The following UGGT2 variants were observed in gnomAD, a reference collection of about 807,000 sequenced individuals.
UGGT2 encodes UDP-glucose glycoprotein glucosyltransferase 2, also known as UDP-glucose:glycoprotein glucosyltransferase 2.
UGGT2 carries 180 observed loss-of-function variants against 192.1 expected under a neutral mutation model. The observed-to-expected ratio is 0.94, with a 90% CI of 0.83 to 1.06. The LOEUF is 1.06. Among genes scored for constraint, UGGT2 ranks in the 50% least tolerant of loss-of-function variants. The pLI, the probability that UGGT2 is intolerant of heterozygous loss-of-function variation, is 0.00. For synonymous variants in UGGT2, 580 were observed against 591.0 expected (o/e 0.98, Z 0.27); for missense variants, 1,849 against 1,795.7 (o/e 1.03, Z -0.54).
intron 33 of UGGT2, among the ~76,000 whole-genome samples, chr13:95,859,328 T>C (rs1286580385): frequency 6.6e-6 from 1 of 152,134 alleles, no homozygotes; most frequent in Non-Finnish European, 1.5e-5. Flanking sequence ...CATTGCCAAA[T>C]TGTATTTAAT....
rs766222278 is a variant in UGGT2, at chr13:95,940,106, A to G, written c.1678-15T>C. 13 of 1,419,312 alleles carry G rather than the reference A, an allele frequency of 9.2e-6. No homozygotes were observed. The highest frequency in any genetic ancestry group is 1.5e-5 in the African/African-American group (1 of 66,948). 87.9% of individuals were successfully genotyped at this position (1,419,312 alleles called of 1,614,324 possible). Reference sequence around the variant, plus strand: ...TTTTGGTACATCTGTGAAAATTTAGATATTATAATTAATTTTCTTCTTATA... The same window carrying G: ...TTTTGGTACATCTGTGAAAATTTAGGTATTATAATTAATTTTCTTCTTATA... On this transcript the variant is annotated splice_polypyrimidine_tract_variant and intron_variant, in intron 15 of 38. Transcript: ENST00000376747.
Position 95,986,388 on chromosome 13 carries a change from A to T in UGGT2, c.976T>A (p.Tyr326Asn), listed in dbSNP as rs778381251. 1 of 1,603,432 alleles carries T rather than the reference A, an allele frequency of 6.2e-7. No individual in the cohort carries two copies. The highest frequency in any genetic ancestry group is 1.1e-5 in the South Asian group (1 of 89,742). ...AASQIMSAPV[Y>N]DSIKLMKDIS... ...TCTTTCATTAATTTAATGGAATCATAAACTGGAGCGGACATTATTTGAGAA... is the reference window on the plus strand; with the variant it reads ...TCTTTCATTAATTTAATGGAATCATTAACTGGAGCGGACATTATTTGAGAA... Residue 326 changes from tyrosine to asparagine, a missense_variant, in exon 9 of 39, where the codon TAT becomes AAT. Transcript: ENST00000376747.
At chr13:95,957,215 G>A (rs138069201) in intron 12 of UGGT2, among the ~76,000 whole-genome samples, 90 of 152,298 alleles carry the variant, frequency 5.9e-4, no homozygotes, top group African/African-American at 1.9e-3. Flanking sequence ...AGCTTCGTTC[G>A]GGATAATGAA....
At chr13:95,805,657 T>G (rs1884266104) in intron 38 of UGGT2, among the ~76,000 whole-genome samples, 2 of 152,228 alleles carry the variant, frequency 1.3e-5, no homozygotes, top group African/African-American at 4.8e-5. Flanking sequence ...GACAATATTA[T>G]GCTGAGTGAA....
At chr13:95,802,445 T>C (rs879388436) in intron 38 of UGGT2, among the ~76,000 whole-genome samples, 2 of 152,222 alleles carry the variant, frequency 1.3e-5, no homozygotes, top group African/African-American at 2.4e-5. Flanking sequence ...GATGGCAGAC[T>C]ATATTTCTTC....
At chr13:96,035,963 G>A (rs975619887) in intron 1 of UGGT2, among the ~76,000 whole-genome samples, 3 of 152,310 alleles carry the variant, frequency 2.0e-5, no homozygotes, top group South Asian at 2.1e-4. Flanking sequence ...TGGTGGGAAC[G>A]TAAATTAGTT....
At chr13:96,024,580 C>G (rs2052609274) in intron 2 of UGGT2, among the ~76,000 whole-genome samples, 1 of 152,150 alleles carries the variant, frequency 6.6e-6, no homozygotes, top group African/African-American at 2.4e-5. Flanking sequence ...CATTCCAGGG[C>G]CAGCCAGAGA....
At chr13:96,053,052 A>AACCCGGGTGGGAGCCAG (rs1433590352) in intron 1 of UGGT2, 103 bp downstream of exon 1, 8 of 1,365,606 alleles carry the variant, frequency 5.9e-6, no homozygotes, top group Non-Finnish European at 6.6e-6. Flanking sequence ...GCGTCTGGAG[A>AACCCGGGTGGGAGCCAG]ACCCGGGTGG....
At position 95,877,269 on chromosome 13, in the gene UGGT2, C is replaced by A. The variant is rs182065415; in HGVS notation, c.3473+10G>T. On this transcript the variant is annotated intron_variant, in intron 29 of 38. Transcript: ENST00000376747. ...TGTGTAAAAATTTAAAAGCAGCCTG[C>A]ATAACTCACCCAACTATTTGATAAA... 262 of 1,575,712 alleles carry A rather than the reference C, an allele frequency of 1.7e-4. 2 individuals carry two copies. The African/African-American group carries it at 3.2e-3, about 19-fold the overall frequency.
In UGGT2 at chr13:96,013,469, A is replaced by G. The variant is rs747493800; in HGVS notation, c.498T>C (p.Tyr166=). 1.3e-5 allele frequency: 20 copies of G among 1,567,188 alleles called. No homozygotes were observed. The South Asian group carries it at 1.4e-4, about 11-fold the overall frequency. ...LKKAASRTRP[Y]LFKGDHKFPT... ...GAAATTTGTGATCTCCTTTAAATAGATAAGGTCTAGTCCTAAGATAAAAGC... is the reference window on the plus strand; with the variant it reads ...GAAATTTGTGATCTCCTTTAAATAGGTAAGGTCTAGTCCTAAGATAAAAGC... Residue 166 remains tyrosine (Y), a synonymous_variant, in exon 5 of 39, where the codon TAT becomes TAC. Coordinates refer to ENST00000376747, the MANE Select transcript of UGGT2 (RefSeq NM_020121.4).
In UGGT2 at chr13:95,860,903, T is replaced by C. The variant is rs978088588; in HGVS notation, c.3645-20A>G. The C allele has an allele frequency of 2.0e-6, 3 of 1,479,462 alleles. No individual in the cohort carries two copies. The highest frequency in any genetic ancestry group is 2.7e-6 in the Non-Finnish European group (3 of 1,093,132). 91.6% of individuals were successfully genotyped at this position (1,479,462 alleles called of 1,614,324 possible). On this transcript the variant is annotated intron_variant, in intron 31 of 38. Transcript: ENST00000376747. The stretch of plus-strand genomic sequence containing the variant: ...GTGAAACTTGGAATAAAAAAGTAAT[T>C]GACATTTCTTAAACATACATATGGA...
intron 8 of UGGT2, among the ~76,000 whole-genome samples, chr13:95,987,667 G>A (rs560516181): frequency 1.2e-4 from 18 of 152,130 alleles, no homozygotes; most frequent in African/African-American, 4.3e-4. Flanking sequence ...CATGCTAAGG[G>A]GTTTAAACTT....
rs751223701 is a variant in UGGT2 at position 96,053,305 on chromosome 13, G to A, written c.8C>T (p.Pro3Leu). Reference protein sequence around the residue: MAPAKATNVVRLL... With the variant: MALAKATNVVRLL... ...CCGCACCACGTTCGTGGCTTTCGCT[G>A]GCGCCATGGCACGGAGAGAAAAGCG... Residue 3 changes from proline to leucine, a missense_variant, in exon 1 of 39, where the codon CCA becomes CTA. Coordinates refer to ENST00000376747, the MANE Select transcript of UGGT2 (RefSeq NM_020121.4). 1.3e-6 allele frequency: 2 copies of A among 1,580,090 alleles called. No individual in the cohort carries two copies. The highest frequency in any genetic ancestry group is 2.8e-5 in the African/African-American group (2 of 72,636).
chr13:95,890,928 G>A lies in UGGT2; in HGVS notation c.2892C>T (p.Phe964=). 1 of 1,612,526 alleles carries A rather than the reference G, an allele frequency of 6.2e-7. No individual in the cohort carries two copies. Among genetic ancestry groups the A allele is most frequent in the Non-Finnish European group, 8.5e-7 (1 of 1,179,214 alleles). Reference sequence around the variant, plus strand: ...GATCAACAATAGCAATGACATTGAAGAACATATCATTCTCTTGAGGATTCG... The same window carrying A: ...GATCAACAATAGCAATGACATTGAAAAACATATCATTCTCTTGAGGATTCG... ...IKTNPQENDM[F]FNVIAIVDPL... is the part of the protein sequence containing the mutation. Residue 964 remains phenylalanine, a synonymous_variant, in exon 25 of 39, where the codon TTC becomes TTT. Transcript: ENST00000376747.
intron 1 of UGGT2, among the ~76,000 whole-genome samples, chr13:96,051,750 G>GA (rs2053493014): frequency 6.6e-6 from 1 of 151,978 alleles, no homozygotes; most frequent in Admixed American, 6.6e-5. Flanking sequence ...AATGATCAGG[G>GA]AAACACAAAT....
At chr13:96,042,435 T>A (rs2053191544) in intron 1 of UGGT2, among the ~76,000 whole-genome samples, 1 of 152,076 alleles carries the variant, frequency 6.6e-6, no homozygotes, top group Admixed American at 6.6e-5. Flanking sequence ...AAACCAACTC[T>A]AGTACTATGA....
intron 36 of UGGT2, among the ~76,000 whole-genome samples, chr13:95,844,712 T>C (rs569505720): frequency 6.6e-6 from 1 of 152,340 alleles, no homozygotes; most frequent in East Asian, 1.9e-4. Flanking sequence ...GATGATCACA[T>C]TGACTGTCCC....
intron 16 of UGGT2, among the ~76,000 whole-genome samples, chr13:95,939,138 A>T (rs551661527): frequency 6.6e-5 from 10 of 151,646 alleles, no homozygotes; most frequent in South Asian, 4.2e-4. Flanking sequence ...ACTGTACCCT[A>T]TAACACAGGA....
intron 38 of UGGT2, among the ~76,000 whole-genome samples, chr13:95,805,350 T>C (rs77351704): frequency 1.9e-4 from 29 of 151,622 alleles, no homozygotes; most frequent in African/African-American, 7.0e-4. Context: ...TTGATGGGAG[T>C]GTAAAATAAT....
Sources: gnomAD v4.1 joint callset for allele counts (sites outside exome capture counted in the v4.1 genomes callset) on GRCh38, gnomAD v4.1.1 for gene constraint, MANE v1.5 for transcripts, NCBI Gene and HGNC (gene_info 2026-07-23, HGNC 2026-07-21) for gene names.